PFKP: variants seen among roughly 807,000 people sequenced by gnomAD.
The protein encoded by PFKP is phosphofructokinase, platelet.
PFKP carries 101 observed loss-of-function variants against 94.3 expected under a neutral mutation model. The ratio of observed to expected loss-of-function variants is 1.07; its 90% CI spans 0.91 to 1.26. The LOEUF (loss-of-function observed/expected upper bound fraction) is 1.26. Ranked by LOEUF, PFKP falls within the 50% of genes most tolerant of loss-of-function variation. The pLI, the probability that PFKP is intolerant of heterozygous loss-of-function variation, is 0.00. For synonymous variants in PFKP, 573 were observed against 432.6 expected (o/e 1.32, Z -4.03); for missense variants, 1,145 against 1,103.3 (o/e 1.04, Z -0.53).
At position 3,103,665 on chromosome 10, in the gene PFKP, A is replaced by T. The variant is rs557851484; in HGVS notation, c.455-114A>T. ...TAAAGAAATGATACCAATAACAAAG[A>T]GTTTAGAATGGTTGATTTCTCTACC... On this transcript the variant is annotated intron_variant, in intron 4 of 21. Coordinates refer to ENST00000381125, the MANE Select transcript of PFKP (RefSeq NM_002627.5). 3.1e-6 allele frequency: 3 copies of T among 976,350 alleles called. No homozygotes were observed. In the South Asian group the frequency reaches 4.7e-5, roughly 15 times the overall value. 60.5% of individuals were successfully genotyped at this position (976,350 alleles called of 1,614,324 possible). A position where few individuals can be genotyped will look rare whatever the true frequency, so the allele number is the denominator to read the frequency against.
At chr10:3,115,998 T>C (rs1404236438) in intron 13 of PFKP, among the ~76,000 whole-genome samples, 4 of 152,214 alleles carry the variant, frequency 2.6e-5, no homozygotes, top group African/African-American at 9.7e-5. Context: ...TGGGTGGATC[T>C]TGCTTTCCCC....
intron 16 of PFKP, among the ~76,000 whole-genome samples, chr10:3,123,079 C>T (rs192311899): frequency 8.5e-4 from 129 of 152,284 alleles, no homozygotes; most frequent in Admixed American, 1.8e-3. Flanking sequence ...GATGCTTAGC[C>T]CCTCAGAATC....
chr10:3,123,967 C>CTCACAGCTCACCTT, intron 16 of PFKP, among the ~76,000 whole-genome samples: 1 of 150,462 alleles, frequency 6.6e-6, no homozygotes, highest in Non-Finnish European at 1.5e-5. Context: ...GCACTGACCC[C>CTCACAGCTCACCTT]GTTCACAGCT....
intron 14 of PFKP, 88 bp downstream of exon 14, chr10:3,116,934 A>G: frequency 9.5e-7 from 1 of 1,049,582 alleles, no homozygotes; most frequent in Non-Finnish European, 1.5e-6. Flanking sequence ...TGCCGACGCC[A>G]GTTGGATTCC....
chr10:3,114,038 C>T (rs1588507816), intron 13 of PFKP, among the ~76,000 whole-genome samples: 1 of 25,888 alleles, frequency 3.9e-5, no homozygotes, highest in Middle Eastern at 0.033. Flanking sequence ...AAAACCGAGG[C>T]ATAGGGCTGG....
chr10:3,122,294 G>T (rs935750239), intron 16 of PFKP, among the ~76,000 whole-genome samples: 3 of 152,132 alleles, frequency 2.0e-5, no homozygotes, highest in Non-Finnish European at 2.9e-5. Context: ...TTCTAGTCTC[G>T]TGATGGGTGA....
rs1051092510 is a variant in PFKP at position 3,133,260 on chromosome 10, A to G, written c.1968A>G (p.Glu656=). 6.2e-7 allele frequency: 1 copy of G among 1,614,094 alleles called. No individual in the cohort carries two copies. Among genetic ancestry groups the G allele is most frequent in the African/African-American group, 1.3e-5 (1 of 74,952 alleles). The change falls in exon 19 of 22, where the codon GAA becomes GAG. Residue 656 remains glutamate, a synonymous_variant. Coordinates refer to ENST00000381125, the MANE Select transcript of PFKP (RefSeq NM_002627.5). ...ACTTCATTTACCAGCTGTATTCAGA[A>G]GAGGGCAAAGGCGTGTTTGACTGCA... The part of the protein sequence containing the change: ...TTDFIYQLYS[E]EGKGVFDCRK...
At chr10:3,127,853 CT>C (rs1414357424) in intron 16 of PFKP, among the ~76,000 whole-genome samples, 2 of 152,248 alleles carry the variant, frequency 1.3e-5, no homozygotes, top group Non-Finnish European at 2.9e-5. Flanking sequence ...AGAAAAGAAT[CT>C]GCCAAAGAAA....
At chr10:3,087,051 C>T (rs1347281240) in intron 2 of PFKP, among the ~76,000 whole-genome samples, 2 of 152,040 alleles carry the variant, frequency 1.3e-5, no homozygotes, top group African/African-American at 4.8e-5. Context: ...CAGCTCACTG[C>T]AACCTCCACC....
At chr10:3,113,331 T>G in intron 12 of PFKP, 41 bp from the exon 13 acceptor site, 1 of 1,576,224 alleles carries the variant, frequency 6.3e-7, no homozygotes, top group East Asian at 2.3e-5. Flanking sequence ...GGAGCTCACG[T>G]GTGCCCGTGA....
At chr10:3,133,493 C>G (rs142830610) in intron 19 of PFKP, among the ~76,000 whole-genome samples, 179 bp downstream of exon 19, 167 of 152,304 alleles carry the variant, frequency 1.1e-3, no homozygotes, top group Middle Eastern at 0.01. Context: ...TGCAGTGGTA[C>G]AAGCTTGGCT....
intron 3 of PFKP, chr10:3,101,042 C>T (rs567635900): frequency 1.3e-6 from 2 of 1,510,392 alleles, no homozygotes; most frequent in East Asian, 2.3e-5. Flanking sequence ...CCTGGTTGAG[C>T]TCGTTGGCCG....
intron 1 of PFKP, 138 bp from the exon 2 acceptor site, chr10:3,082,250 A>T: frequency 2.0e-6 from 1 of 511,798 alleles, no homozygotes; most frequent in Non-Finnish European, 3.5e-6. Context: ...ATCCCAGAGG[A>T]GTGTGTGTAC....
intron 6 of PFKP, 61 bp from the exon 7 acceptor site, chr10:3,105,332 T>G: frequency 6.9e-7 from 1 of 1,452,084 alleles, no homozygotes; most frequent in East Asian, 2.3e-5. Flanking sequence ...GCGGGGTGCC[T>G]GGGCTGCCCT....
rs370431519 is a variant in PFKP at position 3,133,185 on chromosome 10, CCTT to C, written c.1911-15_1911-13del. The stretch of plus-strand genomic sequence containing the variant: ...CCACTGCACGCTAAACAAAGTGACT[CCTT>C]CTCGCTCGTTTCAGAAATGAGAGCT... On this transcript the variant is annotated splice_polypyrimidine_tract_variant and intron_variant, in intron 18 of 21. Coordinates refer to ENST00000381125, the MANE Select transcript of PFKP (RefSeq NM_002627.5). The C allele has an allele frequency of 5.1e-4, 805 of 1,590,802 alleles. 5 individuals carry two copies. The highest frequency in any genetic ancestry group is 4.5e-3 in the South Asian group (411 of 90,620).
intron 14 of PFKP, 141 bp from the exon 15 acceptor site, chr10:3,118,641 T>G: frequency 1.7e-6 from 1 of 593,568 alleles, no homozygotes. Context: ...CACAACGGCA[T>G]GAGTGAAAAG....
At chr10:3,115,324 C>CCCG in intron 13 of PFKP, among the ~76,000 whole-genome samples, 7 of 125,288 alleles carry the variant, frequency 5.6e-5, no homozygotes, top group African/African-American at 1.6e-4. Context: ...AAGTGTGTGT[C>CCCG]CCACGGCGGA....
intron 17 of PFKP, among the ~76,000 whole-genome samples, chr10:3,130,239 G>T (rs898287885): frequency 2.0e-4 from 30 of 152,168 alleles, no homozygotes; most frequent in African/African-American, 7.2e-4. Flanking sequence ...ATAGTCTGTT[G>T]TGTAGTTAAT....
chr10:3,132,046 C>T (rs945120287), intron 17 of PFKP, among the ~76,000 whole-genome samples: 2 of 152,110 alleles, frequency 1.3e-5, no homozygotes, highest in African/African-American at 2.4e-5. Flanking sequence ...CCGAGAACAT[C>T]GTCATGCAAA....
Sources: gnomAD v4.1 joint callset for allele counts (sites outside exome capture counted in the v4.1 genomes callset) on GRCh38, gnomAD v4.1.1 for gene constraint, MANE v1.5 for transcripts, NCBI Gene and HGNC (gene_info 2026-07-23, HGNC 2026-07-21) for gene names.